The following DENND5A variants were observed in gnomAD, a reference collection of about 807,000 sequenced individuals.
DENND5A encodes the protein DENN domain containing 5A.
A neutral mutation model predicts 140.3 loss-of-function variants in DENND5A; 64 were observed. That is an observed-to-expected ratio of 0.46 (90% CI 0.37 to 0.56). DENND5A has a LOEUF of 0.56. Ranked by LOEUF, DENND5A falls within the 20% of genes least tolerant of loss-of-function variation. The probability of loss-of-function intolerance (pLI) is 0.00; values close to 1 mark genes in which losing one functional copy is unlikely to be tolerated. For missense variants in DENND5A, 1,292 were observed against 1,593.8 expected, an observed-to-expected ratio of 0.81 and a Z score of 3.22; for synonymous variants, 605 against 607.7, an observed-to-expected ratio of 1.00 and a Z score of 0.07.
intron 4 of DENND5A, among the ~76,000 whole-genome samples, chr11:9,199,174 T>A (rs948105904): frequency 6.6e-6 from 1 of 151,460 alleles, no homozygotes; most frequent in African/African-American, 2.4e-5. Context: ...ATCAGGCCAC[T>A]TCAGATAAAG....
chr11:9,160,586 A>G (rs1564888107), intron 12 of DENND5A, 127 bp downstream of exon 12: 1 of 656,818 alleles, frequency 1.5e-6, no homozygotes, highest in Non-Finnish European at 2.4e-6. Flanking sequence ...TTTATTTCAA[A>G]TCTCACTCCA....
chr11:9,205,749 T>G (rs1311402467), intron 3 of DENND5A, among the ~76,000 whole-genome samples: 1 of 151,794 alleles, frequency 6.6e-6, no homozygotes, highest in Non-Finnish European at 1.5e-5. Flanking sequence ...ATCCAAAAAG[T>G]AGCCAGGCAT....
intron 1 of DENND5A, among the ~76,000 whole-genome samples, chr11:9,255,503 A>G (rs1186913243): frequency 6.6e-6 from 1 of 152,080 alleles, no homozygotes; most frequent in Non-Finnish European, 1.5e-5. Flanking sequence ...AGGTCGAGGC[A>G]GGTGAATGAC....
intron 17 of DENND5A, 94 bp downstream of exon 17, chr11:9,145,576 T>G: frequency 7.4e-7 from 1 of 1,349,524 alleles, no homozygotes; most frequent in Non-Finnish European, 1.0e-6. Flanking sequence ...ACACTGTACA[T>G]AGCAAGCCCT....
intron 1 of DENND5A, among the ~76,000 whole-genome samples, chr11:9,237,487 T>G (rs1206668569): frequency 6.6e-6 from 1 of 152,210 alleles, no homozygotes; most frequent in East Asian, 1.9e-4. Flanking sequence ...AACACTTTAT[T>G]ACAGGTATAA....
intron 1 of DENND5A, among the ~76,000 whole-genome samples, chr11:9,221,261 T>G (rs994288318): frequency 6.7e-6 from 1 of 148,288 alleles, no homozygotes; most frequent in Non-Finnish European, 1.5e-5. Context: ...TGAAACCCTG[T>G]CTCTACTAAA....
intron 1 of DENND5A, among the ~76,000 whole-genome samples, chr11:9,252,582 G>T (rs1851776928): frequency 6.6e-6 from 1 of 151,982 alleles, no homozygotes; most frequent in South Asian, 2.1e-4. Context: ...TGGAGGCGGA[G>T]GCTGCAGTAG....
chr11:9,255,012 A>C (rs958049702), intron 1 of DENND5A, among the ~76,000 whole-genome samples: 48 of 152,154 alleles, frequency 3.2e-4, no homozygotes, highest in African/African-American at 1.1e-3. Context: ...CAGAGGTTGC[A>C]GTGAGCCAAG....
chr11:9,207,449 C>A, intron 2 of DENND5A, 112 bp downstream of exon 2: 2 of 758,768 alleles, frequency 2.6e-6, no homozygotes, highest in South Asian at 3.3e-5. Flanking sequence ...ATCTAGTGGT[C>A]AAAAAAGGCA....
chr11:9,173,217 G>A (rs1233698318), intron 8 of DENND5A, among the ~76,000 whole-genome samples: 1 of 109,134 alleles, frequency 9.2e-6, no homozygotes, highest in African/African-American at 3.3e-5. Flanking sequence ...TACAAAAGCT[G>A]AAAGAATTCA....
chr11:9,164,194 A>AT lies in DENND5A; in HGVS notation c.2283+1641dup, dbSNP rs779522112. On this transcript the variant is annotated intron_variant, in intron 11 of 22. Transcript: ENST00000328194. ...CTAAAGGTGTGCACCACCACGCCTA[A>AT]TTTTTTTTTTTTTTTTTTTTTTTTT... is the stretch of plus-strand genomic sequence containing the variant. 7.3e-4 allele frequency among the ~76,000 whole-genome samples: 58 copies of AT among 79,050 alleles called. 3 individuals are homozygous for AT. Among genetic ancestry groups the AT allele is most frequent in the Admixed American group, 1.2e-3 (7 of 5,828 alleles). The allele number at this position is 79,050 out of a possible 152,430, so 51.9% of individuals were successfully genotyped here.
At chr11:9,257,691 C>T (rs1057501048) in intron 1 of DENND5A, among the ~76,000 whole-genome samples, 1 of 149,716 alleles carries the variant, frequency 6.7e-6, no homozygotes, top group Non-Finnish European at 1.5e-5. Context: ...ACCGTGTTAG[C>T]CAGGATAGTC....
chr11:9,213,310 A>G (rs1486512970), intron 1 of DENND5A, among the ~76,000 whole-genome samples: 2 of 152,022 alleles, frequency 1.3e-5, no homozygotes, highest in Non-Finnish European at 2.9e-5. Flanking sequence ...ATATCTATAT[A>G]GTTCTGCAAG....
chr11:9,244,381 T>G (rs557966471), intron 1 of DENND5A, among the ~76,000 whole-genome samples: 1 of 152,218 alleles, frequency 6.6e-6, no homozygotes, highest in East Asian at 1.9e-4. Context: ...TTTTATTTAT[T>G]TTTTTGAGAC....
At chr11:9,142,929 G>C (rs112449154) in intron 20 of DENND5A, 84 bp from the exon 21 acceptor site, 17 of 1,545,384 alleles carry the variant, frequency 1.1e-5, no homozygotes, top group African/African-American at 9.6e-5. Flanking sequence ...CCACAGCCCA[G>C]AGTTGGGAGG....
In DENND5A at chr11:9,152,358, C is replaced by T. The variant is rs1445108064; in HGVS notation, c.2521G>A (p.Gly841Arg). Reference protein sequence around the residue: ...KLTSGSLSTSGILLDSERRKS... With the variant: ...KLTSGSLSTSRILLDSERRKS... ...CTCTCCATTGCAGAGACTATCTTAC[C>T]TGAGGTACTGAGGCTTCCTGATGTG... The change falls in exon 13 of 23, where the codon GGA becomes AGA. Residue 841 changes from glycine to arginine, a missense_variant and splice_region_variant. This residue lies in a region of DENND5A where 498 missense variants were observed against 689.7 expected (regional missense o/e 0.72). Transcript: ENST00000328194. 3 of 1,604,526 alleles carry T rather than the reference C, an allele frequency of 1.9e-6. No homozygotes were observed. Among genetic ancestry groups the T allele is most frequent in the Non-Finnish European group, 2.6e-6 (3 of 1,171,412 alleles).
At chr11:9,239,134 C>T (rs72859693) in intron 1 of DENND5A, among the ~76,000 whole-genome samples, 24,751 of 151,814 alleles carry the variant, frequency 0.16, 2,235 homozygotes, top group Non-Finnish European at 0.21. Context: ...GCCCGGCCTA[C>T]ATCCTTCTAC....
rs535821197 is a variant in DENND5A at position 9,249,969 on chromosome 11, G to A, written c.109+14992C>T. Among the ~76,000 whole-genome samples, 526 of 150,754 alleles carry A rather than the reference G, an allele frequency of 3.5e-3. 1 individual carries two copies. The highest frequency in any genetic ancestry group is 7.3e-3 in the South Asian group (35 of 4,800). On this transcript the variant is annotated intron_variant, in intron 1 of 22. Coordinates refer to ENST00000328194, the MANE Select transcript of DENND5A (RefSeq NM_015213.4). ...CCCAAAGTGGTGAGATTACAGGATC[G>A]AGCCATCGCACCTGGCCCAATTATT...
At chr11:9,258,986 C>T (rs899729602) in intron 1 of DENND5A, among the ~76,000 whole-genome samples, 4 of 152,062 alleles carry the variant, frequency 2.6e-5, no homozygotes, top group Admixed American at 6.6e-5. Context: ...TTAGGCTGGG[C>T]GCAGTGGCTC....
Sources: allele counts gnomAD v4.1 joint callset (sites outside exome capture counted in the v4.1 genomes callset), GRCh38; gene constraint gnomAD v4.1.1; regional missense constraint gnomAD v4.1.1; transcripts MANE v1.5; gene names NCBI Gene and HGNC (gene_info 2026-07-23, HGNC 2026-07-21).